The following CSAD variants were observed in gnomAD, a reference collection of about 807,000 sequenced individuals.
CSAD encodes P-selectin cytoplasmic tail-associated protein.
Under a neutral mutation model 61.5 loss-of-function variants are expected in CSAD, and 47 were observed. The ratio of observed to expected loss-of-function variants is 0.76; its 90% CI spans 0.60 to 0.97. The LOEUF is 0.97. Among genes scored for constraint, CSAD ranks in the 50% least tolerant of loss-of-function variants. CSAD has a pLI of 0.00. For synonymous variants in CSAD, 245 were observed against 252.7 expected (o/e 0.97, Z 0.29); for missense variants, 611 against 643.6 (o/e 0.95, Z 0.55).
chr12:53,178,713 A>T (rs1326298215), intron 2 of CSAD, among the ~76,000 whole-genome samples: 5 of 152,280 alleles, frequency 3.3e-5, no homozygotes, highest in African/African-American at 1.2e-4. Context: ...TGAACCTGGG[A>T]GGTGGAGGTT....
chr12:53,158,368 T>A lies in CSAD; in HGVS notation c.*143A>T, dbSNP rs1938795804. On this transcript the variant is annotated 3_prime_UTR_variant, in exon 17 of 17. Transcript: ENST00000444623. ...CCAGGCTGGTCTCGAACTCCTGACC[T>A]CAAGTGATCCACCCGCCTCGGCCTC... 1 of 744,486 alleles carries A rather than the reference T, an allele frequency of 1.3e-6. No homozygotes were observed. Among genetic ancestry groups the A allele is most frequent in the African/African-American group, 1.8e-5 (1 of 55,964 alleles). 46.1% of individuals were successfully genotyped at this position (744,486 alleles called of 1,614,324 possible).
At chr12:53,171,823 G>A (rs1328081620) in intron 7 of CSAD, 59 bp downstream of exon 7, 12 of 1,107,158 alleles carry the variant, frequency 1.1e-5, no homozygotes, top group African/African-American at 4.6e-5. Flanking sequence ...GCAAGAGAAC[G>A]GTGGGGGAGG....
intron 14 of CSAD, 62 bp downstream of exon 14, chr12:53,160,058 G>T: frequency 6.2e-7 from 1 of 1,604,690 alleles, no homozygotes; most frequent in Non-Finnish European, 8.5e-7. Context: ...GAGCAGGAAA[G>T]AGGGAGGGGC....
At chr12:53,175,894 G>T (rs1225314935) in intron 2 of CSAD, among the ~76,000 whole-genome samples, 1 of 152,136 alleles carries the variant, frequency 6.6e-6, no homozygotes, top group South Asian at 2.1e-4. Context: ...TCAAGATGAG[G>T]ATTCTTAGCT....
chr12:53,171,133 TG>T, intron 8 of CSAD, 192 bp downstream of exon 8: 1 of 803,020 alleles, frequency 1.2e-6, no homozygotes, highest in Non-Finnish European at 2.1e-6. Context: ...GCCCCTCCTC[TG>T]CCCCCAAACA....
chr12:53,180,526 T>G, intron 1 of CSAD: 1 of 1,274,134 alleles, frequency 7.8e-7, no homozygotes, highest in Non-Finnish European at 1.0e-6. Context: ...GCCTCAGCGC[T>G]CCCTCCTCCA....
At chr12:53,169,479 CA>C (rs111958598) in intron 10 of CSAD, among the ~76,000 whole-genome samples, 21,976 of 107,708 alleles carry the variant, frequency 0.2, 2,105 homozygotes, top group African/African-American at 0.36. Flanking sequence ...AACTCCATCT[CA>C]AAAAAAAAAA....
chr12:53,165,217 T>C (rs1939760132), intron 10 of CSAD, among the ~76,000 whole-genome samples: 1 of 152,036 alleles, frequency 6.6e-6, no homozygotes, highest in South Asian at 2.1e-4. Context: ...AGCCTGTGCC[T>C]GTGGTCCTAG....
chr12:53,160,710 A>C, intron 13 of CSAD, 53 bp downstream of exon 13: 1 of 1,430,702 alleles, frequency 7.0e-7, no homozygotes, highest in Admixed American at 2.0e-5. Flanking sequence ...GGGATAGAGA[A>C]GGCAGAGCTC....
chr12:53,172,751 A>T, intron 4 of CSAD, 103 bp from the exon 5 acceptor site: 1 of 1,292,930 alleles, frequency 7.7e-7, no homozygotes, highest in Non-Finnish European at 1.0e-6. Flanking sequence ...CACTAAAAAC[A>T]ACTTCGGGAT....
At chr12:53,171,253 C>A (rs754961197) in intron 8 of CSAD, 73 bp downstream of exon 8, 1 of 1,606,680 alleles carries the variant, frequency 6.2e-7, no homozygotes. Context: ...GGGAGAAGAC[C>A]TGGAAGGTCT....
At chr12:53,160,086 G>A (rs763440191) in intron 14 of CSAD, 34 bp downstream of exon 14, 3 of 1,610,242 alleles carry the variant, frequency 1.9e-6, no homozygotes, top group East Asian at 4.5e-5. Flanking sequence ...CAGGAGAGGG[G>A]AACAGGGACG....
chr12:53,170,490 T>C lies in CSAD; in HGVS notation c.580A>G (p.Ile194Val). 1 of 1,613,936 alleles carries C rather than the reference T, an allele frequency of 6.2e-7. No individual in the cohort carries two copies. Among genetic ancestry groups the C allele is most frequent in the South Asian group, 1.1e-5 (1 of 91,072 alleles). Residue 194 changes from isoleucine to valine, a missense_variant, in exon 9 of 17, where the codon ATC becomes GTC. Coordinates refer to ENST00000444623, the MANE Select transcript of CSAD (RefSeq NM_001244705.2). ...LFTSKECHYS[I>V]QKGAAFLGLG... is the part of the protein sequence containing the mutation. ...CCCAGAAACGCAGCTCCCTTCTGGA[T>C]GGAGTAGTGACACTGTGGGGGAAGG...
Position 53,177,611 on chromosome 12 carries a change from G to A in CSAD, c.-50+1491C>T, listed in dbSNP as rs933475137. Among the ~76,000 whole-genome samples the A allele has an allele frequency of 6.6e-5, 10 of 152,050 alleles. 1 individual carries two copies. The highest frequency in any genetic ancestry group is 1.0e-4 in the Non-Finnish European group (7 of 68,012). On this transcript the variant is annotated intron_variant, in intron 2 of 16. Coordinates refer to ENST00000444623, the MANE Select transcript of CSAD (RefSeq NM_001244705.2). ...GGAAACCAGCCTAAGGCAACAAAGC[G>A]TGGAGACCCATCTATTTATTTATTT...
intron 6 of CSAD, 60 bp downstream of exon 6, chr12:53,172,286 G>C: frequency 6.9e-7 from 1 of 1,440,354 alleles, no homozygotes; most frequent in Non-Finnish European, 9.8e-7. Context: ...TACCCCTCAG[G>C]CACCTCTCTA....
chr12:53,181,307 C>G, upstream of CSAD: 1 of 985,408 alleles, frequency 1.0e-6, no homozygotes, highest in Non-Finnish European at 1.2e-6. Flanking sequence ...CAGCGATGGC[C>G]CTTGAGCTTT....
At position 53,180,735 on chromosome 12, in the gene CSAD, G is replaced by C. The variant is rs1387880360; in HGVS notation, c.-94C>G. 2.4e-6 allele frequency: 3 copies of C among 1,263,558 alleles called. No homozygotes were observed. The highest frequency in any genetic ancestry group is 4.9e-5 in the Admixed American group (2 of 41,094). The allele number at this position is 1,263,558 out of a possible 1,614,324, so 78.3% of individuals were successfully genotyped here. A position where few individuals can be genotyped will look rare whatever the true frequency, so the allele number is the denominator to read the frequency against. ...GGGTTGGTGTTTGTAAACTTGCCTC[G>C]GTCCCGGTGGGGGCAGCCGCGGCGG... On this transcript the variant is annotated 5_prime_UTR_variant, in exon 1 of 17. Transcript: ENST00000444623.
At chr12:53,165,057 G>A (rs771914060) in intron 10 of CSAD, among the ~76,000 whole-genome samples, 1 of 152,214 alleles carries the variant, frequency 6.6e-6, no homozygotes, top group Non-Finnish European at 1.5e-5. Flanking sequence ...CATGGCTCAT[G>A]CCTGTAATCC....
At chr12:53,180,551 G>T (rs769609046) in intron 1 of CSAD, 181 bp downstream of exon 1, 9 of 1,279,154 alleles carry the variant, frequency 7.0e-6, no homozygotes, top group African/African-American at 1.6e-5. Context: ...CTCGGCGCAC[G>T]GCGCCGCCCA....
Sources: allele counts gnomAD v4.1 joint callset (sites outside exome capture counted in the v4.1 genomes callset), GRCh38; gene constraint gnomAD v4.1.1; transcripts MANE v1.5; gene names NCBI Gene and HGNC (gene_info 2026-07-23, HGNC 2026-07-21).